Variants in ZNF469 observed in about 807,000 individuals in gnomAD.
The protein encoded by ZNF469 is zinc finger protein 469.
In ZNF469, 1 loss-of-function variant was observed where a neutral mutation model predicts 1.0. The observed-to-expected ratio is 1.00, with a 90% CI of 0.35 to 4.73. The LOEUF (loss-of-function observed/expected upper bound fraction) is 4.73. ZNF469 is among the 30% of genes most tolerant of loss of function. The pLI is 0.16. For missense variants in ZNF469, 6,100 were observed against 5,356.3 expected (o/e 1.14, Z -4.33); for synonymous variants, 2,703 against 2,363.4 (o/e 1.14, Z -4.17).
the ZNF469 span, among the ~76,000 whole-genome samples, chr16:88,280,444 A>C: frequency 6.6e-6 from 1 of 151,660 alleles, no homozygotes; most frequent in African/African-American, 2.4e-5. Flanking sequence ...TGCCACACCA[A>C]TGCTTGGTCA....
chr16:88,208,799 ACACACTCT>A, the ZNF469 span, among the ~76,000 whole-genome samples: 1 of 23,796 alleles, frequency 4.2e-5, no homozygotes, highest in Middle Eastern at 0.019. Flanking sequence ...ACACACACAC[ACACACTCT>A]CTCTCTCTCT....
chr16:88,416,334 G>C (rs528951365), intron 1 of ZNF469, among the ~76,000 whole-genome samples: 5 of 152,164 alleles, frequency 3.3e-5, no homozygotes, highest in African/African-American at 9.7e-5. Context: ...GTGGCTGCTC[G>C]AAGTTCACTT....
chr16:88,363,095 T>A, the ZNF469 span, among the ~76,000 whole-genome samples: 1 of 152,242 alleles, frequency 6.6e-6, no homozygotes, highest in Non-Finnish European at 1.5e-5. Flanking sequence ...GCTTTCTGTC[T>A]TTTTTATTTG....
chr16:88,439,205 A>C lies in ZNF469; in HGVS notation c.11735A>C (p.His3912Pro), dbSNP rs898461132. ...LRPPKRGTAVHGAEPAEPHTH... is the reference protein window; with the variant it reads ...LRPPKRGTAVPGAEPAEPHTH... ...CCCCCCAAGAGGGGCACAGCTGTCC[A>C]CGGTGCTGAACCTGCCGAGCCACAC... The change falls in exon 3 of 3, where the codon CAC becomes CCC. Residue 3912 changes from histidine to proline, a missense_variant. Physicochemically the swap from His to Pro is moderately conservative, Grantham distance 77 (BLOSUM62 -2). Coordinates refer to ENST00000565624, the MANE Select transcript of ZNF469 (RefSeq NM_001367624.2). 22 of 1,550,130 alleles carry C rather than the reference A, an allele frequency of 1.4e-5. No homozygotes were observed. Among genetic ancestry groups the C allele is most frequent in the Non-Finnish European group, 1.8e-5 (21 of 1,146,794 alleles).
chr16:88,422,558 C>T (rs1471199405), intron 1 of ZNF469, among the ~76,000 whole-genome samples: 6 of 46,600 alleles, frequency 1.3e-4, no homozygotes, highest in South Asian at 8.1e-4. Flanking sequence ...GGGGGATGGG[C>T]GGGTGGATGG....
intron 1 of ZNF469, among the ~76,000 whole-genome samples, chr16:88,405,531 C>G (rs376539410): frequency 4.6e-4 from 70 of 152,290 alleles, no homozygotes; most frequent in African/African-American, 1.6e-3. Flanking sequence ...GCATTTGCAT[C>G]AGGGCCTTGG....
chr16:88,265,264 C>A, the ZNF469 span, among the ~76,000 whole-genome samples: 2 of 152,222 alleles, frequency 1.3e-5, no homozygotes, highest in Admixed American at 1.3e-4. Flanking sequence ...CTCTCACTGA[C>A]CAAGAAAGGG....
At chr16:88,198,916 G>A in the ZNF469 span, among the ~76,000 whole-genome samples, 13 of 152,240 alleles carry the variant, frequency 8.5e-5, no homozygotes, top group African/African-American at 2.4e-4. Context: ...CACCCGAGGC[G>A]AGGGCCCCTG....
chr16:88,437,564 A>G lies in ZNF469; in HGVS notation c.10094A>G (p.Tyr3365Cys). Residue 3365 changes from tyrosine (Y) to cysteine (C), a missense_variant, in exon 3 of 3, where the codon TAC becomes TGC. Coordinates refer to ENST00000565624, the MANE Select transcript of ZNF469 (RefSeq NM_001367624.2). Reference protein sequence around the residue: ...HLAVHSPQRVYLCPRCPRVYP... With the variant: ...HLAVHSPQRVCLCPRCPRVYP... ...GCGGTGCACAGCCCGCAGCGCGTCT[A>G]CCTGTGCCCCCGGTGCCCCCGGGTC... 1 of 1,537,546 alleles carries G rather than the reference A, an allele frequency of 6.5e-7. No individual in the cohort carries two copies.
the ZNF469 span, among the ~76,000 whole-genome samples, chr16:88,157,859 C>G: frequency 8.9e-3 from 1,356 of 151,944 alleles, 7 homozygotes; most frequent in Middle Eastern, 0.034. Flanking sequence ...AGTGCTGGCA[C>G]CTGGTGAGGA....
the ZNF469 span, among the ~76,000 whole-genome samples, chr16:88,192,611 C>G: frequency 6.6e-6 from 1 of 152,282 alleles, no homozygotes; most frequent in Non-Finnish European, 1.5e-5. Context: ...GTCCAAGTCA[C>G]ACATGATGAG....
At chr16:88,363,493 T>C in the ZNF469 span, among the ~76,000 whole-genome samples, 335 of 152,304 alleles carry the variant, frequency 2.2e-3, no homozygotes, top group African/African-American at 7.6e-3. Flanking sequence ...CTGCCTGGGG[T>C]CTACCCCATG....
At chr16:88,362,817 C>T in the ZNF469 span, among the ~76,000 whole-genome samples, 2 of 152,188 alleles carry the variant, frequency 1.3e-5, no homozygotes, top group South Asian at 4.1e-4. Context: ...CATTGTCACC[C>T]TCCTTTGTTT....
the ZNF469 span, among the ~76,000 whole-genome samples, chr16:88,253,800 A>T: frequency 6.6e-6 from 1 of 152,132 alleles, no homozygotes; most frequent in Non-Finnish European, 1.5e-5. Flanking sequence ...CGGCCTCCCA[A>T]AGTGCTGGGA....
At chr16:88,382,132 G>A (rs1364391291), upstream of ZNF469, among the ~76,000 whole-genome samples, 2 of 152,224 alleles carry the variant, frequency 1.3e-5, no homozygotes, top group East Asian at 1.9e-4. Context: ...AGGGCGATCC[G>A]TCCCCAGATG....
At chr16:88,218,750 G>A in the ZNF469 span, among the ~76,000 whole-genome samples, 190 of 152,012 alleles carry the variant, frequency 1.2e-3, no homozygotes, top group African/African-American at 4.4e-3. Context: ...TCCACATAGT[G>A]TTGGAAGTTC....
At chr16:88,257,855 A>G in the ZNF469 span, among the ~76,000 whole-genome samples, 8 of 152,104 alleles carry the variant, frequency 5.3e-5, no homozygotes, top group Admixed American at 3.3e-4. Flanking sequence ...GTGGAAACTG[A>G]GTTATGTATG....
chr16:88,353,060 G>A, the ZNF469 span, among the ~76,000 whole-genome samples: 2 of 152,188 alleles, frequency 1.3e-5, no homozygotes, highest in African/African-American at 4.8e-5. Context: ...GGAGAGACCA[G>A]GCTCAGGCTC....
the ZNF469 span, among the ~76,000 whole-genome samples, chr16:88,101,588 A>G: frequency 1.2e-4 from 18 of 151,420 alleles, no homozygotes; most frequent in Admixed American, 2.6e-4. Context: ...GTGGAGGCAG[A>G]AGGGCTGGGT....
Sources: gnomAD v4.1 joint callset for allele counts (sites outside exome capture counted in the v4.1 genomes callset) on GRCh38, gnomAD v4.1.1 for gene constraint, MANE v1.5 for transcripts, NCBI Gene and HGNC (gene_info 2026-07-23, HGNC 2026-07-21) for gene names.